The following MOB3B variants were observed in gnomAD, a reference collection of about 807,000 sequenced individuals.
MOB3B encodes MOB kinase activator-like 2B.
A neutral mutation model predicts 18.7 loss-of-function variants in MOB3B; 7 were observed. The ratio of observed to expected loss-of-function variants is 0.37; its 90% CI spans 0.21 to 0.70. The LOEUF (loss-of-function observed/expected upper bound fraction) is 0.70, where lower values mean the gene tolerates loss of function less well. Ranked by LOEUF, MOB3B falls within the 30% of genes least tolerant of loss-of-function variation. The pLI is 0.52. For missense variants in MOB3B, 253 were observed against 281.3 expected, an observed-to-expected ratio of 0.90 and a Z score of 0.72; for synonymous variants, 111 against 99.9, an observed-to-expected ratio of 1.11 and a Z score of -0.66.
intron 1 of MOB3B, among the ~76,000 whole-genome samples, chr9:27,510,444 A>C (rs944092540): frequency 1.4e-4 from 21 of 152,190 alleles, no homozygotes; most frequent in Non-Finnish European, 2.2e-4. Context: ...AGTGATACAC[A>C]AAGTATGTTC....
chr9:27,326,138 A>T lies in MOB3B; in HGVS notation c.*4449T>A, dbSNP rs1820708308. The T allele has an allele frequency of 4.3e-6, 1 of 232,854 alleles. No individual in the cohort carries two copies. The highest frequency in any genetic ancestry group is 1.8e-4 in the South Asian group (1 of 5,548). 14.4% of individuals were successfully genotyped at this position (232,854 alleles called of 1,614,324 possible). On this transcript the variant is annotated 3_prime_UTR_variant, in exon 4 of 4. Transcript: ENST00000262244. ...GAAAAAGCAGGTCTGGACTTAGCAA[A>T]GAAACAATATAGTTTGGAGAAGGCA...
intron 3 of MOB3B, among the ~76,000 whole-genome samples, chr9:27,342,776 T>C (rs917934248): frequency 1.3e-5 from 2 of 151,658 alleles, no homozygotes; most frequent in Non-Finnish European, 2.9e-5. Flanking sequence ...TGCTCAATGT[T>C]GCCCAGGCTG....
chr9:27,443,814 T>G (rs768075094), intron 2 of MOB3B, among the ~76,000 whole-genome samples: 1 of 152,192 alleles, frequency 6.6e-6, no homozygotes, highest in African/African-American at 2.4e-5. Context: ...AATAGCTTTA[T>G]TAGCCCTGGT....
chr9:27,334,724 T>C (rs1045234134), intron 3 of MOB3B, among the ~76,000 whole-genome samples: 2 of 152,232 alleles, frequency 1.3e-5, no homozygotes, highest in African/African-American at 4.8e-5. Flanking sequence ...TTATTCCAAG[T>C]CACACAAATA....
intron 2 of MOB3B, among the ~76,000 whole-genome samples, chr9:27,422,015 G>T (rs1280968975): frequency 6.6e-6 from 1 of 152,150 alleles, no homozygotes; most frequent in Non-Finnish European, 1.5e-5. Flanking sequence ...ATTGTTCTCT[G>T]CTGTGTCCTC....
chr9:27,335,969 A>G (rs1820857416), intron 3 of MOB3B, among the ~76,000 whole-genome samples: 1 of 152,194 alleles, frequency 6.6e-6, no homozygotes, highest in Non-Finnish European at 1.5e-5. Flanking sequence ...AAAACATATT[A>G]AATTAAACTG....
chr9:27,455,843 G>C, intron 1 of MOB3B, 95 bp from the exon 2 acceptor site: 1 of 1,255,876 alleles, frequency 8.0e-7, no homozygotes, highest in Non-Finnish European at 1.0e-6. Context: ...GTTCTTGGCT[G>C]TGCCCACTCT....
rs140982285 is a variant in MOB3B at position 27,466,086 on chromosome 9, C to T, written c.-198-10338G>A. Among the ~76,000 whole-genome samples the T allele has an allele frequency of 2.6e-5, 4 of 152,296 alleles. No homozygotes were observed. The East Asian group carries it at 7.7e-4, about 29-fold the overall frequency. Reference sequence around the variant, plus strand: ...AATGGGTTTTTCTTTTCTACTGCATCGTCAGGCTGCAAATTTTCTGAACTT... The same window carrying T: ...AATGGGTTTTTCTTTTCTACTGCATTGTCAGGCTGCAAATTTTCTGAACTT... On this transcript the variant is annotated intron_variant, in intron 1 of 3. Coordinates refer to ENST00000262244, the MANE Select transcript of MOB3B (RefSeq NM_024761.5).
chr9:27,357,258 A>T (rs1326321893), intron 3 of MOB3B, among the ~76,000 whole-genome samples: 3 of 149,360 alleles, frequency 2.0e-5, no homozygotes, highest in Non-Finnish European at 4.4e-5. Context: ...CAGGTACTGT[A>T]CTGTATTAAA....
chr9:27,389,265 T>A (rs1463983260), intron 2 of MOB3B, among the ~76,000 whole-genome samples: 1 of 152,094 alleles, frequency 6.6e-6, no homozygotes, highest in Non-Finnish European at 1.5e-5. Context: ...ATCTGTGTTT[T>A]CACAAGCTCT....
At chr9:27,364,275 C>A (rs1176899147) in intron 2 of MOB3B, among the ~76,000 whole-genome samples, 1 of 152,176 alleles carries the variant, frequency 6.6e-6, no homozygotes, top group African/African-American at 2.4e-5. Flanking sequence ...ACATCAGGAC[C>A]ATAACCAATG....
intron 1 of MOB3B, among the ~76,000 whole-genome samples, chr9:27,475,348 G>C (rs1281535283): frequency 6.6e-6 from 1 of 152,226 alleles, no homozygotes; most frequent in Non-Finnish European, 1.5e-5. Context: ...TACTCTGCCT[G>C]CTGACCCAAA....
At position 27,424,771 on chromosome 9, in the gene MOB3B, T is replaced by C. The variant is rs143804384; in HGVS notation, c.418+30362A>G. Among the ~76,000 whole-genome samples the C allele has an allele frequency of 2.0e-3, 304 of 152,254 alleles. 1 individual carries two copies. The highest frequency in any genetic ancestry group is 7.1e-3 in the African/African-American group (296 of 41,558). Reference sequence around the variant, plus strand: ...GCCAATCTGCCAATCAACTCATACATAGTAAGTTCCTACCATTTGCCACAG... The same window carrying C: ...GCCAATCTGCCAATCAACTCATACACAGTAAGTTCCTACCATTTGCCACAG... On this transcript the variant is annotated intron_variant, in intron 2 of 3. Transcript: ENST00000262244.
At chr9:27,425,212 C>T (rs944342382) in intron 2 of MOB3B, among the ~76,000 whole-genome samples, 7 of 151,946 alleles carry the variant, frequency 4.6e-5, no homozygotes, top group Admixed American at 2.0e-4. Context: ...CCTGTGTCTA[C>T]TAAAAATACA....
intron 2 of MOB3B, among the ~76,000 whole-genome samples, chr9:27,412,019 A>G (rs756403676): frequency 6.6e-6 from 1 of 152,132 alleles, no homozygotes; most frequent in Non-Finnish European, 1.5e-5. Context: ...ATAAAAAAAG[A>G]AGATGCTTGT....
chr9:27,377,099 A>C (rs1166256278), intron 2 of MOB3B, among the ~76,000 whole-genome samples: 1 of 152,200 alleles, frequency 6.6e-6, no homozygotes, highest in African/African-American at 2.4e-5. Flanking sequence ...GGCTGTTGTG[A>C]GGATTAAAGG....
intron 2 of MOB3B, among the ~76,000 whole-genome samples, chr9:27,390,160 C>G (rs900837137): frequency 6.6e-6 from 1 of 151,902 alleles, no homozygotes; most frequent in Non-Finnish European, 1.5e-5. Context: ...TCACAGCAAC[C>G]TCCGCCTACC....
At chr9:27,409,339 C>A (rs559461638) in intron 2 of MOB3B, among the ~76,000 whole-genome samples, 66 of 152,280 alleles carry the variant, frequency 4.3e-4, no homozygotes, top group Admixed American at 4.2e-3. Context: ...CACAGCCACA[C>A]AGAAAGATTT....
chr9:27,367,340 C>A (rs1821355322), intron 2 of MOB3B, among the ~76,000 whole-genome samples: 1 of 152,198 alleles, frequency 6.6e-6, no homozygotes, highest in Admixed American at 6.5e-5. Context: ...TCATCTCATG[C>A]AAATACGATT....
Sources: gnomAD v4.1 joint callset for allele counts (sites outside exome capture counted in the v4.1 genomes callset) on GRCh38, gnomAD v4.1.1 for gene constraint, MANE v1.5 for transcripts, NCBI Gene and HGNC (gene_info 2026-07-23, HGNC 2026-07-21) for gene names.